TPCN2: variants seen among roughly 807,000 people sequenced by gnomAD.
The protein encoded by TPCN2 is two pore channel protein 2.
Under a neutral mutation model 111.4 loss-of-function variants are expected in TPCN2, and 92 were observed. That is an observed-to-expected ratio of 0.83 (90% CI 0.70 to 0.98). The LOEUF (loss-of-function observed/expected upper bound fraction) is 0.98, where lower values mean the gene tolerates loss of function less well. Ranked by LOEUF, TPCN2 falls within the 50% of genes least tolerant of loss-of-function variation. The probability of loss-of-function intolerance (pLI) is 0.00; values close to 1 mark genes in which losing one functional copy is unlikely to be tolerated. For synonymous variants in TPCN2, 405 were observed against 414.5 expected, an observed-to-expected ratio of 0.98 and a Z score of 0.28; for missense variants, 995 against 980.1, an observed-to-expected ratio of 1.02 and a Z score of -0.20.
chr11:69,086,418 G>A (rs1325834241), intron 22 of TPCN2, 105 bp from the exon 23 acceptor site: 2 of 905,718 alleles, frequency 2.2e-6, no homozygotes, highest in Non-Finnish European at 3.7e-6. Flanking sequence ...GGTGTGTGTG[G>A]GCCGGCTGCC....
chr11:69,066,053 A>G (rs10896405), intron 7 of TPCN2, among the ~76,000 whole-genome samples: 143,095 of 152,166 alleles, frequency 0.94, 67,676 homozygotes, highest in Non-Finnish European at 1. Context: ...CACCTGCCTT[A>G]GGGAGTTCTG....
At chr11:69,062,807 T>G in intron 5 of TPCN2, 77 bp from the exon 6 acceptor site, 2 of 1,367,714 alleles carry the variant, frequency 1.5e-6, no homozygotes, top group Non-Finnish European at 2.1e-6. Flanking sequence ...CTCTGAACCG[T>G]GTGCCCATCT....
At chr11:69,049,194 C>A in intron 1 of TPCN2, 88 bp downstream of exon 1, 1 of 879,600 alleles carries the variant, frequency 1.1e-6, no homozygotes, top group Non-Finnish European at 1.5e-6. Context: ...CCGCTTTCTG[C>A]CGGGCGCGCC....
At position 69,086,583 on chromosome 11, in the gene TPCN2, G is replaced by A. The variant is rs751957762; in HGVS notation, c.2064G>A (p.Leu688=). The A allele has an allele frequency of 6.2e-7, 1 of 1,614,122 alleles. No homozygotes were observed. ...TGTCGTCTGTCATCTGGGTCAACCT[G>A]TTTCTGGCCCTGATTCTGGAGGTAT... ...WLVSSVIWVN[L]FLALILENFL... The change falls in exon 23 of 25, where the codon CTG becomes CTA. Residue 688 remains leucine, a synonymous_variant. Transcript: ENST00000294309.
Position 69,070,417 on chromosome 11 carries a change from T to G in TPCN2, c.830-13T>G. On this transcript the variant is annotated splice_polypyrimidine_tract_variant and intron_variant, in intron 8 of 24. Transcript: ENST00000294309. ...TGAGGTTGTCAGTTTCTGTTATTTCTTTTTTCTTTTAGTGATGATTCCTGC... is the reference window on the plus strand; with the variant it reads ...TGAGGTTGTCAGTTTCTGTTATTTCGTTTTTCTTTTAGTGATGATTCCTGC... The G allele has an allele frequency of 1.2e-6, 2 of 1,606,566 alleles. No homozygotes were observed. The highest frequency in any genetic ancestry group is 1.7e-6 in the Non-Finnish European group (2 of 1,176,154).
chr11:69,053,837 T>TAA (rs1854619507), intron 1 of TPCN2, among the ~76,000 whole-genome samples, 196 bp from the exon 2 acceptor site: 4 of 152,286 alleles, frequency 2.6e-5, no homozygotes, highest in South Asian at 2.1e-4. Context: ...GGCCTGTGCA[T>TAA]TTGATGCCGA....
chr11:69,072,825 G>A (rs1390928518), intron 12 of TPCN2, 90 bp from the exon 13 acceptor site: 16 of 1,522,742 alleles, frequency 1.1e-5, no homozygotes, highest in African/African-American at 1.4e-5. Flanking sequence ...TTCACAGCCC[G>A]TCAGGGTGGG....
Position 69,057,611 on chromosome 11 carries a change from A to G in TPCN2, c.463A>G (p.Asn155Asp). Residue 155 changes from asparagine (N) to aspartate (D), a missense_variant, in exon 5 of 25, where the codon AAC becomes GAC. Transcript: ENST00000294309. Reference protein sequence around the residue: ...YLFGWAHFQKNLWLLGYLVVL... With the variant: ...YLFGWAHFQKDLWLLGYLVVL... ...GTTCGGGTGGGCCCATTTCCAGAAA[A>G]ACCTTTGGCTGCTGGGCTACCTCGT... 1 of 1,614,004 alleles carries G rather than the reference A, an allele frequency of 6.2e-7. No homozygotes were observed. The highest frequency in any genetic ancestry group is 8.5e-7 in the Non-Finnish European group (1 of 1,179,994).
In TPCN2 at chr11:69,070,576, C is replaced by T. The variant is rs552015212; in HGVS notation, c.895+81C>T. 2.0e-4 allele frequency: 209 copies of T among 1,055,594 alleles called. 3 individuals are homozygous for T. In the Admixed American group the frequency reaches 2.2e-3, roughly 11 times the overall value. The allele number at this position is 1,055,594 out of a possible 1,614,324, so 65.4% of individuals were successfully genotyped here. A position where few individuals can be genotyped will look rare whatever the true frequency, so the allele number is the denominator to read the frequency against. On this transcript the variant is annotated intron_variant, in intron 9 of 24. Coordinates refer to ENST00000294309, the MANE Select transcript of TPCN2 (RefSeq NM_139075.4). ...CCGATACACCCTGCTGCCTCCACGA[C>T]CTGAAACTTCACATCCGTGTTTTTC...
chr11:69,058,104 C>T (rs1419942087), intron 5 of TPCN2, among the ~76,000 whole-genome samples: 1 of 152,232 alleles, frequency 6.6e-6, no homozygotes, highest in Non-Finnish European at 1.5e-5. Context: ...AAAGCCCCCT[C>T]ACCCGGCCAC....
rs1268307999 is a variant in TPCN2, at chr11:69,081,396, C to T, written c.1590-4C>T. 1.9e-6 allele frequency: 3 copies of T among 1,545,690 alleles called. No homozygotes were observed. Among genetic ancestry groups the T allele is most frequent in the Admixed American group, 3.9e-5 (2 of 51,844 alleles). On this transcript the variant is annotated splice_polypyrimidine_tract_variant and splice_region_variant and intron_variant, in intron 17 of 24. Coordinates refer to ENST00000294309, the MANE Select transcript of TPCN2 (RefSeq NM_139075.4). ...CCCAACCCGCCTCCCGTGTCTCTCC[C>T]CAGGAGGCCGGAGATGGTGGGCCTG...
At chr11:69,078,689 C>T (rs763313377) in intron 14 of TPCN2, 45 bp from the exon 15 acceptor site, 15 of 1,613,380 alleles carry the variant, frequency 9.3e-6, no homozygotes, top group South Asian at 4.4e-5. Context: ...CCTCGCCCAG[C>T]GCTGTGCTGG....
chr11:69,064,823 T>C (rs1369329208), intron 7 of TPCN2, among the ~76,000 whole-genome samples: 1 of 152,222 alleles, frequency 6.6e-6, no homozygotes, highest in Non-Finnish European at 1.5e-5. Flanking sequence ...GGAGTCTGCA[T>C]GTCTGTGTGC....
chr11:69,069,926 C>T (rs1013756727), intron 8 of TPCN2, among the ~76,000 whole-genome samples: 4 of 152,016 alleles, frequency 2.6e-5, no homozygotes, highest in Non-Finnish European at 4.4e-5. Context: ...GGAGGGTGTG[C>T]GAGCAGAGGC....
chr11:69,070,538 G>A lies in TPCN2; in HGVS notation c.895+43G>A, dbSNP rs768173220. The A allele has an allele frequency of 2.2e-5, 32 of 1,484,216 alleles. No individual in the cohort carries two copies. The African/African-American group carries it at 2.9e-4, about 14-fold the overall frequency. The allele number at this position is 1,484,216 out of a possible 1,614,324, so 91.9% of individuals were successfully genotyped here. ...GGCCAGCATTTTGTGACAGGATCCC[G>A]AGAGCTCAGGGACCGATACACCCTG... On this transcript the variant is annotated intron_variant, in intron 9 of 24. Transcript: ENST00000294309.
intron 13 of TPCN2, among the ~76,000 whole-genome samples, chr11:69,073,578 T>C (rs1848384521): frequency 6.6e-6 from 1 of 152,202 alleles, no homozygotes; most frequent in Admixed American, 6.5e-5. Flanking sequence ...CTGTGTCACT[T>C]TTCTCGTTTG....
At chr11:69,051,605 C>T (rs906129906) in intron 1 of TPCN2, among the ~76,000 whole-genome samples, 2 of 152,196 alleles carry the variant, frequency 1.3e-5, no homozygotes, top group South Asian at 2.1e-4. Flanking sequence ...GAAGCCGTGT[C>T]GAGGCCTGGT....
At chr11:69,073,318 C>T (rs983859405) in intron 13 of TPCN2, among the ~76,000 whole-genome samples, 2 of 152,246 alleles carry the variant, frequency 1.3e-5, no homozygotes, top group Non-Finnish European at 2.9e-5. Context: ...CACACTGGTC[C>T]TCTCCAAGGC....
Position 69,056,565 on chromosome 11 carries a change from G to A in TPCN2, c.430-1013G>A, listed in dbSNP as rs373474156. Among the ~76,000 whole-genome samples the A allele has an allele frequency of 3.8e-4, 58 of 152,204 alleles. No individual in the cohort carries two copies. The Middle Eastern group carries it at 0.01, about 27-fold the overall frequency. On this transcript the variant is annotated intron_variant, in intron 4 of 24. Transcript: ENST00000294309. Reference sequence around the variant, plus strand: ...TTTATTTATTTTGAGACACAGTCTCGCTCTGTTGCCCAGGCTGGAGTGCAG... The same window carrying A: ...TTTATTTATTTTGAGACACAGTCTCACTCTGTTGCCCAGGCTGGAGTGCAG...
Sources: allele counts gnomAD v4.1 joint callset (sites outside exome capture counted in the v4.1 genomes callset), GRCh38; gene constraint gnomAD v4.1.1; transcripts MANE v1.5; gene names NCBI Gene and HGNC (gene_info 2026-07-23, HGNC 2026-07-21).